Variants in GOLM2 observed in about 807,000 individuals in gnomAD.
GOLM2 encodes golgi membrane protein 2.
GOLM2 carries 26 observed loss-of-function variants against 55.9 expected under a neutral mutation model. The ratio of observed to expected loss-of-function variants is 0.47; its 90% CI spans 0.34 to 0.65. GOLM2 has a LOEUF of 0.65. Among genes scored for constraint, GOLM2 ranks in the 30% least tolerant of loss-of-function variants. GOLM2 has a pLI of 0.01. For synonymous variants in GOLM2, 165 were observed against 194.6 expected, an observed-to-expected ratio of 0.85 and a Z score of 1.27; for missense variants, 486 against 531.8, an observed-to-expected ratio of 0.91 and a Z score of 0.85.
rs559031072 is a variant in GOLM2, at chr15:44,379,618, GTTTTTT to G, written c.803-57_803-52del. ...GTGCAATGTAAATTGATTCACGGTG[GTTTTTT>G]TTTTTTTTTTTTTTAGAAATCATAG... On this transcript the variant is annotated intron_variant, in intron 6 of 9. Coordinates refer to ENST00000299957, the MANE Select transcript of GOLM2 (RefSeq NM_138423.4). The G allele has an allele frequency of 2.3e-5, 10 of 428,438 alleles. No individual in the cohort carries two copies. In the East Asian group the frequency reaches 3.5e-4, roughly 15 times the overall value. The allele number at this position is 428,438 out of a possible 1,614,324, so 26.5% of individuals were successfully genotyped here.
chr15:44,337,285 G>T (rs2079063907), intron 4 of GOLM2, among the ~76,000 whole-genome samples: 1 of 151,976 alleles, frequency 6.6e-6, no homozygotes, highest in Non-Finnish European at 1.5e-5. Flanking sequence ...GTGTTTCGGT[G>T]GCCAGCACAC....
chr15:44,380,672 A>G (rs1406900419), intron 7 of GOLM2, 134 bp from the exon 8 acceptor site: 2 of 572,492 alleles, frequency 3.5e-6, no homozygotes, highest in South Asian at 8.0e-5. Context: ...CTTTAAAAAA[A>G]AAAAAAAAAG....
At chr15:44,383,127 A>G (rs1402657891) in intron 8 of GOLM2, among the ~76,000 whole-genome samples, 1 of 151,004 alleles carries the variant, frequency 6.6e-6, no homozygotes, top group Non-Finnish European at 1.5e-5. Context: ...TATTATATAC[A>G]TATACAGAAT....
chr15:44,363,018 C>T (rs1341626319), intron 6 of GOLM2, among the ~76,000 whole-genome samples: 2 of 152,140 alleles, frequency 1.3e-5, no homozygotes, highest in Non-Finnish European at 2.9e-5. Flanking sequence ...GGATCCCTTC[C>T]TTACACCTTA....
Position 44,385,064 on chromosome 15 carries a change from A to G in GOLM2, c.1072+4088A>G, listed in dbSNP as rs553209584. Among the ~76,000 whole-genome samples the G allele has an allele frequency of 2.0e-4, 30 of 152,112 alleles. No individual in the cohort carries two copies. In the South Asian group the frequency reaches 6.2e-3, roughly 32 times the overall value. On this transcript the variant is annotated intron_variant, in intron 8 of 9. Coordinates refer to ENST00000299957, the MANE Select transcript of GOLM2 (RefSeq NM_138423.4). ...GGATAATATTCAGTTGTATGGATACATTTTGTTTATTCATCTGTTGATGTA... is the reference window on the plus strand; with the variant it reads ...GGATAATATTCAGTTGTATGGATACGTTTTGTTTATTCATCTGTTGATGTA...
In GOLM2 at chr15:44,307,212, CTTT is replaced by C. The variant is rs199591388; in HGVS notation, c.328-15737_328-15735del. 14 of 135,936 alleles carry C rather than the reference CTTT, an allele frequency of 1.0e-4. No individual in the cohort carries two copies. In the Middle Eastern group the frequency reaches 5.2e-3, roughly 51 times the overall value. 8.4% of individuals were successfully genotyped at this position (135,936 alleles called of 1,614,324 possible). On this transcript the variant is annotated intron_variant, in intron 1 of 9. Transcript: ENST00000299957. Reference sequence around the variant, plus strand: ...GCTGGAAACTAACATGATACTAATTCTTTTTTTTTTTTTTTTTTGAGACAGAGT... The same window carrying C: ...GCTGGAAACTAACATGATACTAATTCTTTTTTTTTTTTTTTGAGACAGAGT...
chr15:44,298,930 G>GA (rs1042301053), intron 1 of GOLM2, among the ~76,000 whole-genome samples: 10 of 150,794 alleles, frequency 6.6e-5, no homozygotes, highest in East Asian at 2.0e-4. Context: ...ATCCTTATAA[G>GA]AAAAAAAAAT....
chr15:44,300,670 T>C (rs947970045), intron 1 of GOLM2, among the ~76,000 whole-genome samples: 21 of 152,228 alleles, frequency 1.4e-4, no homozygotes, highest in African/African-American at 5.1e-4. Context: ...TTTTGACTTA[T>C]GACCTCATTA....
chr15:44,324,875 A>G (rs886849967), intron 2 of GOLM2, among the ~76,000 whole-genome samples: 1 of 152,152 alleles, frequency 6.6e-6, no homozygotes, highest in Non-Finnish European at 1.5e-5. Context: ...GCTTTCAAAG[A>G]TAGAGCGTCC....
At chr15:44,304,567 TTC>T (rs2078823201) in intron 1 of GOLM2, among the ~76,000 whole-genome samples, 2 of 151,724 alleles carry the variant, frequency 1.3e-5, no homozygotes, top group African/African-American at 2.4e-5. Flanking sequence ...CTATTTCTAG[TTC>T]TCTCTCTTTC....
intron 4 of GOLM2, among the ~76,000 whole-genome samples, chr15:44,335,717 C>T (rs551297267): frequency 1.3e-5 from 2 of 152,056 alleles, no homozygotes; most frequent in East Asian, 3.9e-4. Context: ...TATAGCTTAC[C>T]AACTTACAGG....
At chr15:44,339,526 A>T (rs1329931571) in intron 6 of GOLM2, among the ~76,000 whole-genome samples, 1 of 151,922 alleles carries the variant, frequency 6.6e-6, no homozygotes, top group Non-Finnish European at 1.5e-5. Context: ...TTCAGTAGAG[A>T]CGAGGTTTCA....
At position 44,393,614 on chromosome 15, in the gene GOLM2, TTTTG is replaced by T. The variant is rs1017276494; in HGVS notation, c.1073-9253_1073-9250del. 1.5e-4 allele frequency among the ~76,000 whole-genome samples: 23 copies of T among 152,286 alleles called. 1 individual carries two copies. In the South Asian group the frequency reaches 4.1e-3, roughly 27 times the overall value. On this transcript the variant is annotated intron_variant, in intron 8 of 9. Transcript: ENST00000299957. ...ATGAAGATTTATTATAATGCTCTTT[TTTTG>T]TTTGTTTGTTTGTTTGTTTTGAGAC... is the stretch of plus-strand genomic sequence containing the variant.
At chr15:44,310,789 C>T (rs968495042) in intron 1 of GOLM2, among the ~76,000 whole-genome samples, 5 of 151,982 alleles carry the variant, frequency 3.3e-5, no homozygotes, top group Admixed American at 6.6e-5. Context: ...GAGGCCAAGG[C>T]GGGCGGATCA....
At chr15:44,339,633 C>T (rs983022292) in intron 6 of GOLM2, among the ~76,000 whole-genome samples, 7 of 151,484 alleles carry the variant, frequency 4.6e-5, no homozygotes, top group African/African-American at 1.7e-4. Context: ...CCACCAAGCC[C>T]GGCCTCTTTT....
chr15:44,331,566 A>G (rs1459190315), intron 3 of GOLM2, among the ~76,000 whole-genome samples: 1 of 152,146 alleles, frequency 6.6e-6, no homozygotes, highest in South Asian at 2.1e-4. Context: ...TTAAACTACT[A>G]TTGGATGAAT....
chr15:44,380,761 T>A, intron 7 of GOLM2, 45 bp from the exon 8 acceptor site: 1 of 1,294,676 alleles, frequency 7.7e-7, no homozygotes, highest in Admixed American at 2.8e-5. Flanking sequence ...CTTTAAAAGA[T>A]TAAATTAAAT....
intron 6 of GOLM2, among the ~76,000 whole-genome samples, chr15:44,379,350 G>A (rs968273635): frequency 3.9e-5 from 6 of 152,104 alleles, no homozygotes; most frequent in African/African-American, 1.4e-4. Flanking sequence ...GGTGGCGAGC[G>A]CCTATAATCC....
intron 9 of GOLM2, chr15:44,406,399 GA>G (rs2079597721): frequency 1.3e-5 from 2 of 151,410 alleles, no homozygotes; most frequent in Admixed American, 6.6e-5. Flanking sequence ...AAAAAAGAAA[GA>G]AAAAAAGAAA....
Sources: allele counts gnomAD v4.1 joint callset (sites outside exome capture counted in the v4.1 genomes callset), GRCh38; gene constraint gnomAD v4.1.1; transcripts MANE v1.5; gene names NCBI Gene and HGNC (gene_info 2026-07-23, HGNC 2026-07-21).